Variants in TTLL7 observed in about 807,000 individuals in gnomAD.
TTLL7 encodes the protein tubulin tyrosine ligase like 7.
TTLL7 carries 53 observed loss-of-function variants against 120.2 expected under a neutral mutation model. That is an observed-to-expected ratio of 0.44 (90% CI 0.35 to 0.55). The LOEUF is 0.55. Among genes scored for constraint, TTLL7 ranks in the 20% least tolerant of loss-of-function variants. TTLL7 has a pLI of 0.00. For missense variants in TTLL7, 803 were observed against 1,054.7 expected (o/e 0.76, Z 3.31); for synonymous variants, 353 against 351.7 (o/e 1.00, Z -0.04).
chr1:83,937,889 T>C lies in TTLL7; in HGVS notation c.851A>G (p.Asn284Ser), dbSNP rs766771933. ...IKWFTEFLQA[N>S]QHDVAKFWSD... ...CCAAAACTTAGCAACATCATGTTGA[T>C]TTGCTTGAAGGAATTCTGTAAACCA... is the stretch of plus-strand genomic sequence containing the variant. Residue 284 changes from asparagine (N) to serine (S), a missense_variant, in exon 8 of 21, where the codon AAT (asparagine) becomes AGT (serine). By Grantham distance (46) the Asn-to-Ser change is conservative. Around this residue, in one of 3 missense-constraint regions of TTLL7, gnomAD observed 324 missense variants for 507.7 expected, o/e 0.64. Transcript: ENST00000260505. 2 of 1,614,058 alleles carry C rather than the reference T, an allele frequency of 1.2e-6. No homozygotes were observed. Among genetic ancestry groups the C allele is most frequent in the Non-Finnish European group, 1.7e-6 (2 of 1,179,952 alleles).
intron 4 of TTLL7, chr1:83,949,192 T>C (rs1648793162): frequency 6.6e-6 from 1 of 152,548 alleles, no homozygotes; most frequent in Non-Finnish European, 1.5e-5. Flanking sequence ...GTTCTAAAAA[T>C]AAAAGAATGA....
At chr1:83,913,000 G>T (rs1381077294) in intron 14 of TTLL7, 1 of 152,166 alleles carries the variant, frequency 6.6e-6, no homozygotes, top group Non-Finnish European at 1.5e-5. Context: ...ACAGCTTTAA[G>T]TGTTCTTAAA....
At chr1:83,968,231 G>A (rs960892489) in intron 1 of TTLL7, among the ~76,000 whole-genome samples, 1 of 151,916 alleles carries the variant, frequency 6.6e-6, no homozygotes, top group Non-Finnish European at 1.5e-5. Context: ...GTGATACTGG[G>A]CCATAATATT....
At chr1:83,876,226 T>G (rs1653916273) in intron 20 of TTLL7, among the ~76,000 whole-genome samples, 1 of 151,910 alleles carries the variant, frequency 6.6e-6, no homozygotes, top group South Asian at 2.1e-4. Context: ...ATAAATCAAG[T>G]CTCCAGGTAG....
chr1:83,941,202 AT>A (rs1490432808), intron 7 of TTLL7, among the ~76,000 whole-genome samples: 1 of 152,208 alleles, frequency 6.6e-6, no homozygotes, highest in Non-Finnish European at 1.5e-5. Flanking sequence ...TGCCCCTGCT[AT>A]GCACTGCCAC....
Position 83,933,732 on chromosome 1 carries a change from G to A in TTLL7, c.923C>T (p.Pro308Leu). The A allele has an allele frequency of 1.9e-6, 3 of 1,612,674 alleles. No homozygotes were observed. The highest frequency in any genetic ancestry group is 2.5e-6 in the Non-Finnish European group (3 of 1,179,312). The change falls in exon 9 of 21, where the codon CCT becomes CTT. Residue 308 changes from proline (P) to leucine (L), a missense_variant. Around this residue, in one of 3 missense-constraint regions of TTLL7, gnomAD observed 324 missense variants for 507.7 expected, o/e 0.64. Transcript: ENST00000260505. The part of the protein sequence containing the change: ...LVVKTLIVAE[P>L]HVLHAYRMCR... ...CATTCGATAGGCATGCAGGACATGA[G>A]GTTCTGCTACAATCAGGGTCTTTAC...
rs776185188 is a variant in TTLL7, at chr1:83,947,268, C to T, written c.362G>A (p.Arg121Gln). 1.9e-5 allele frequency: 31 copies of T among 1,604,126 alleles called. No homozygotes were observed. The highest frequency in any genetic ancestry group is 1.7e-4 in the Middle Eastern group (1 of 6,038). ...ARNMTKMIKS[R>Q]PLDYTFVPRT... ...AGGAACAAAGGTATAATCCAGAGGC[C>T]GAGACTTGATCATTCTGTAAATTGG... Residue 121 changes from arginine (R) to glutamine (Q), a missense_variant, in exon 6 of 21, where the codon CGG (arginine) becomes CAG (glutamine). Transcript: ENST00000260505.
chr1:83,936,083 CTA>C (rs1286995194), intron 8 of TTLL7, among the ~76,000 whole-genome samples: 1 of 152,118 alleles, frequency 6.6e-6, no homozygotes, highest in African/African-American at 2.4e-5. Flanking sequence ...CCCACATTGG[CTA>C]TGTTTGGGTC....
At chr1:83,990,687 A>G (rs753363289) in intron 1 of TTLL7, among the ~76,000 whole-genome samples, 26 of 152,252 alleles carry the variant, frequency 1.7e-4, no homozygotes, top group Non-Finnish European at 2.4e-4. Context: ...GCTACAATCA[A>G]AATATCACAA....
At chr1:83,905,323 T>C (rs1657091101) in intron 17 of TTLL7, among the ~76,000 whole-genome samples, 1 of 151,798 alleles carries the variant, frequency 6.6e-6, no homozygotes, top group Non-Finnish European at 1.5e-5. Flanking sequence ...CTTATGACTG[T>C]GTCATCAGTA....
chr1:83,992,791 C>T (rs1008779183), intron 1 of TTLL7, among the ~76,000 whole-genome samples: 312 of 101,360 alleles, frequency 3.1e-3, no homozygotes, highest in South Asian at 3.3e-3. Context: ...TATTCAAGTT[C>T]TTTTTTTTTT....
Position 83,942,916 on chromosome 1 carries a change from T to A in TTLL7, c.507-237A>T, listed in dbSNP as rs1648112447. Among the ~76,000 whole-genome samples the A allele has an allele frequency of 3.9e-5, 6 of 152,198 alleles. No homozygotes were observed. In the South Asian group the frequency reaches 1.2e-3, roughly 31 times the overall value. The stretch of plus-strand genomic sequence containing the variant: ...TAAGAAAAAAACAGCTGGATCTGTG[T>A]CAAAGAGCTTTGTAACATTTTAAGT... On this transcript the variant is annotated intron_variant, in intron 6 of 20. Coordinates refer to ENST00000260505, the MANE Select transcript of TTLL7 (RefSeq NM_024686.6).
In TTLL7 at chr1:83,892,485, A is replaced by G. The variant is rs1365045089; in HGVS notation, c.2209-2004T>C. On this transcript the variant is annotated intron_variant, in intron 18 of 20. Coordinates refer to ENST00000260505, the MANE Select transcript of TTLL7 (RefSeq NM_024686.6). ...GAACATATATATGAACATATGAATGAACATATATATGAACATATGAATGAA... is the reference window on the plus strand; with the variant it reads ...GAACATATATATGAACATATGAATGGACATATATATGAACATATGAATGAA... 2.3e-4 allele frequency among the ~76,000 whole-genome samples: 33 copies of G among 142,982 alleles called. 3 individuals are homozygous for G. The highest frequency in any genetic ancestry group is 7.6e-4 in the African/African-American group (30 of 39,266). The allele number at this position is 142,982 out of a possible 152,430, so 93.8% of individuals were successfully genotyped here.
intron 10 of TTLL7, among the ~76,000 whole-genome samples, chr1:83,927,149 T>C (rs1245537877): frequency 6.6e-6 from 1 of 152,206 alleles, no homozygotes; most frequent in Non-Finnish European, 1.5e-5. Flanking sequence ...CTGAATTTCC[T>C]TGAGACTAAA....
At chr1:83,986,333 T>A (rs1299050591) in intron 1 of TTLL7, among the ~76,000 whole-genome samples, 2 of 152,202 alleles carry the variant, frequency 1.3e-5, no homozygotes, top group Non-Finnish European at 2.9e-5. Flanking sequence ...TAAATCAATG[T>A]AACCTACCAT....
intron 1 of TTLL7, among the ~76,000 whole-genome samples, chr1:83,996,258 T>C (rs111365680): frequency 1.3e-5 from 2 of 152,148 alleles, no homozygotes; most frequent in African/African-American, 2.4e-5. Context: ...CTCAGTTTAG[T>C]TGACAATCCT....
intron 15 of TTLL7, among the ~76,000 whole-genome samples, chr1:83,908,230 T>C (rs1037692709): frequency 2.0e-5 from 3 of 151,978 alleles, no homozygotes; most frequent in Non-Finnish European, 4.4e-5. Context: ...AATCTGTGTA[T>C]AGGTTAGAGA....
chr1:83,963,468 A>G (rs367804137), intron 1 of TTLL7, among the ~76,000 whole-genome samples: 1 of 151,462 alleles, frequency 6.6e-6, no homozygotes, highest in African/African-American at 2.4e-5. Context: ...AGTAATACAA[A>G]CTAAAAAAAA....
intron 19 of TTLL7, chr1:83,890,097 C>T (rs1655329720): frequency 5.1e-6 from 3 of 591,982 alleles, no homozygotes; most frequent in Non-Finnish European, 9.2e-6. Flanking sequence ...TTAGGACTAC[C>T]TTCTCTCCAC....
Sources: gnomAD v4.1 joint callset for allele counts (sites outside exome capture counted in the v4.1 genomes callset) on GRCh38, gnomAD v4.1.1 for gene constraint, gnomAD v4.1.1 regional missense constraint, MANE v1.5 for transcripts, NCBI Gene and HGNC (gene_info 2026-07-23, HGNC 2026-07-21) for gene names.